Variants in PTPRM observed in about 807,000 individuals in gnomAD.
The protein encoded by PTPRM is protein tyrosine phosphatase receptor type M, also known as receptor-type tyrosine-protein phosphatase mu.
In PTPRM, 47 loss-of-function variants were observed where a neutral mutation model predicts 186.7. The ratio of observed to expected loss-of-function variants is 0.25; its 90% CI spans 0.20 to 0.32. PTPRM has a LOEUF of 0.32. Ranked by LOEUF, PTPRM falls within the 10% of genes least tolerant of loss-of-function variation. The probability of loss-of-function intolerance (pLI) is 1.00; values close to 1 mark genes in which losing one functional copy is unlikely to be tolerated. For missense variants in PTPRM, 1,494 were observed against 1,865.0 expected, an observed-to-expected ratio of 0.80 and a Z score of 3.66; for synonymous variants, 668 against 674.9, an observed-to-expected ratio of 0.99 and a Z score of 0.16.
chr18:7,671,141 A>G (rs1017328569), intron 1 of PTPRM, among the ~76,000 whole-genome samples: 1 of 152,078 alleles, frequency 6.6e-6, no homozygotes, highest in African/African-American at 2.4e-5. Flanking sequence ...GCTTTCTTTA[A>G]ACATCATGCA....
At chr18:8,237,374 C>A (rs1345483350) in intron 14 of PTPRM, among the ~76,000 whole-genome samples, 1 of 149,678 alleles carries the variant, frequency 6.7e-6, no homozygotes, top group African/African-American at 2.5e-5. Context: ...TTTCTTCTCT[C>A]TGAAGAACTT....
chr18:8,074,826 A>G (rs2089705640), intron 8 of PTPRM, among the ~76,000 whole-genome samples: 1 of 152,174 alleles, frequency 6.6e-6, no homozygotes, highest in South Asian at 2.1e-4. Context: ...TATGATATGC[A>G]GAAGCCTTCT....
At chr18:7,582,185 A>G (rs995668261) in intron 1 of PTPRM, among the ~76,000 whole-genome samples, 2 of 152,210 alleles carry the variant, frequency 1.3e-5, no homozygotes, top group Admixed American at 6.5e-5. Flanking sequence ...TTAGTGACCT[A>G]AAACAACCAC....
At position 8,379,088 on chromosome 18, in the gene PTPRM, GCA is replaced by G. The variant is rs2095714904; in HGVS notation, c.3613-78_3613-77del. 7.3e-6 allele frequency: 9 copies of G among 1,238,854 alleles called. No homozygotes were observed. The South Asian group carries it at 1.4e-4, about 19-fold the overall frequency. The allele number at this position is 1,238,854 out of a possible 1,614,324, so 76.7% of individuals were successfully genotyped here. A position where few individuals can be genotyped will look rare whatever the true frequency, so the allele number is the denominator to read the frequency against. On this transcript the variant is annotated intron_variant, in intron 27 of 32. Transcript: ENST00000580170. ...TCTTGCAGTCAGCCACAGGAAGTTT[GCA>G]TCTTTCGAAAACTGCACGTGAGAGG...
chr18:8,057,425 CTTTTTTTT>C lies in PTPRM; in HGVS notation c.1133-12246_1133-12239del, dbSNP rs763829289. 1.3e-3 allele frequency among the ~76,000 whole-genome samples: 131 copies of C among 102,524 alleles called. 1 individual carries two copies. The highest frequency in any genetic ancestry group is 3.6e-3 in the South Asian group (11 of 3,034). The allele number at this position is 102,524 out of a possible 152,430, so 67.3% of individuals were successfully genotyped here. A position where few individuals can be genotyped will look rare whatever the true frequency, so the allele number is the denominator to read the frequency against. ...CCATTGTTGTGATACTGTGATACTTCTTTTTTTTTTTTTTTTTTTTTTAGCTATTCTTT... is the reference window on the plus strand; with the variant it reads ...CCATTGTTGTGATACTGTGATACTTCTTTTTTTTTTTTTTAGCTATTCTTT... On this transcript the variant is annotated intron_variant, in intron 7 of 32. Transcript: ENST00000580170.
At position 7,997,685 on chromosome 18, in the gene PTPRM, A is replaced by G. The variant is rs570075362; in HGVS notation, c.1132+42271A>G. On this transcript the variant is annotated intron_variant, in intron 7 of 32. Coordinates refer to ENST00000580170, the MANE Select transcript of PTPRM (RefSeq NM_001105244.2). ...GAGGAACTCAAACAACCCAACAACA[A>G]TAACAAAAATCTGATTGAAAAATGA... Among the ~76,000 whole-genome samples the G allele has an allele frequency of 2.6e-4, 39 of 152,300 alleles. 1 individual carries two copies. The highest frequency in any genetic ancestry group is 2.5e-3 in the South Asian group (12 of 4,830).
intron 1 of PTPRM, among the ~76,000 whole-genome samples, chr18:7,727,276 A>G (rs956152930): frequency 1.3e-5 from 2 of 152,126 alleles, no homozygotes; most frequent in Non-Finnish European, 2.9e-5. Context: ...ACCTCTGCCA[A>G]GATCCTTAGG....
chr18:8,087,793 A>G (rs550537881), intron 10 of PTPRM, among the ~76,000 whole-genome samples: 369 of 152,264 alleles, frequency 2.4e-3, no homozygotes, highest in Middle Eastern at 0.017. Flanking sequence ...ATGTAAGACA[A>G]TTTTAAAAAC....
At chr18:7,824,975 G>A (rs918155401) in intron 2 of PTPRM, among the ~76,000 whole-genome samples, 1 of 152,138 alleles carries the variant, frequency 6.6e-6, no homozygotes, top group Non-Finnish European at 1.5e-5. Context: ...TACACCAAAT[G>A]CTTAAACATG....
At chr18:7,772,349 C>CTCCT (rs2042324764) in intron 1 of PTPRM, among the ~76,000 whole-genome samples, 1 of 96,034 alleles carries the variant, frequency 1.0e-5, no homozygotes. Context: ...TTCTTTCTTT[C>CTCCT]TCTTTCTTTC....
intron 2 of PTPRM, among the ~76,000 whole-genome samples, chr18:7,783,543 C>T (rs1335336061): frequency 1.3e-5 from 2 of 152,122 alleles, no homozygotes; most frequent in Non-Finnish European, 2.9e-5. Context: ...GGCAGCAGAA[C>T]AGTGCCCTCT....
chr18:8,084,337 T>C (rs545910), intron 9 of PTPRM, among the ~76,000 whole-genome samples: 95,166 of 152,010 alleles, frequency 0.63, 29,962 homozygotes, highest in African/African-American at 0.67. Flanking sequence ...CAAGTAATCA[T>C]ACAGCGGTTA....
At chr18:8,393,525 GA>G (rs1320502527) in intron 31 of PTPRM, among the ~76,000 whole-genome samples, 3 of 152,210 alleles carry the variant, frequency 2.0e-5, no homozygotes, top group African/African-American at 7.2e-5. Context: ...TCCTGGACCA[GA>G]AAAAGGACAT....
rs180904342 is a variant in PTPRM, at chr18:7,701,076, C to T, written c.74-73073C>T. On this transcript the variant is annotated intron_variant, in intron 1 of 32. Transcript: ENST00000580170. ...ATCCTAGCACTTTGGGAGGCCTAGG[C>T]GGGCGGATCATGAGGTCAAGAGTTC... Among the ~76,000 whole-genome samples, 609 of 149,080 alleles carry T rather than the reference C, an allele frequency of 4.1e-3. 1 individual carries two copies. The highest frequency in any genetic ancestry group is 7.0e-3 in the Non-Finnish European group (470 of 67,400).
chr18:7,601,158 A>G (rs2037393369), intron 1 of PTPRM, among the ~76,000 whole-genome samples: 1 of 152,234 alleles, frequency 6.6e-6, no homozygotes, highest in African/African-American at 2.4e-5. Context: ...AGGAGACAGA[A>G]AACTGGCTGT....
At chr18:8,057,008 G>A (rs542435499) in intron 7 of PTPRM, among the ~76,000 whole-genome samples, 2 of 151,722 alleles carry the variant, frequency 1.3e-5, no homozygotes, top group African/African-American at 2.4e-5. Context: ...TTTATTTAAT[G>A]TAATTCTAGA....
At chr18:7,606,257 G>C (rs1269175510) in intron 1 of PTPRM, among the ~76,000 whole-genome samples, 1 of 152,054 alleles carries the variant, frequency 6.6e-6, no homozygotes, top group African/African-American at 2.4e-5. Flanking sequence ...TAATTTAGGG[G>C]ACCCTTAGGA....
chr18:8,055,185 A>G lies in PTPRM; in HGVS notation c.1133-14501A>G, dbSNP rs1271217990. On this transcript the variant is annotated intron_variant, in intron 7 of 32. Coordinates refer to ENST00000580170, the MANE Select transcript of PTPRM (RefSeq NM_001105244.2). ...CTGATATCTCTTGTCAATTCTGGAA[A>G]TTTCTCAGACATTATGTCTTCAGTT... Among the ~76,000 whole-genome samples the G allele has an allele frequency of 2.0e-5, 3 of 152,052 alleles. 1 individual carries two copies. Among genetic ancestry groups the G allele is most frequent in the South Asian group, 4.1e-4 (2 of 4,832 alleles).
At chr18:7,885,679 G>T (rs2048749032) in intron 2 of PTPRM, among the ~76,000 whole-genome samples, 1 of 152,106 alleles carries the variant, frequency 6.6e-6, no homozygotes, top group Admixed American at 6.5e-5. Context: ...GAGGAGAAAA[G>T]ACTATAAAAG....
Sources: allele counts gnomAD v4.1 joint callset (sites outside exome capture counted in the v4.1 genomes callset), GRCh38; gene constraint gnomAD v4.1.1; transcripts MANE v1.5; gene names NCBI Gene and HGNC (gene_info 2026-07-23, HGNC 2026-07-21).